The following PIP5K1B variants were observed in gnomAD, a reference collection of about 807,000 sequenced individuals.
The protein encoded by PIP5K1B is phosphatidylinositol-4-phosphate 5-kinase type 1 beta.
In PIP5K1B, 42 loss-of-function variants were observed where a neutral mutation model predicts 67.0. The ratio of observed to expected loss-of-function variants is 0.63; its 90% confidence interval spans 0.49 to 0.81. PIP5K1B has a LOEUF of 0.81. Ranked by LOEUF, PIP5K1B falls within the 30% of genes least tolerant of loss-of-function variation. The probability of loss-of-function intolerance (pLI) is 0.00; values close to 1 mark genes in which losing one functional copy is unlikely to be tolerated. For missense variants in PIP5K1B, 459 were observed against 646.3 expected (o/e 0.71, Z 3.14); for synonymous variants, 214 against 231.4 (o/e 0.92, Z 0.68).
chr9:68,853,127 T>C (rs1246311786), intron 4 of PIP5K1B, among the ~76,000 whole-genome samples: 1 of 152,176 alleles, frequency 6.6e-6, no homozygotes, highest in Non-Finnish European at 1.5e-5. Context: ...GGCAGTCACA[T>C]GGCAGGTGGA....
At chr9:68,897,066 T>G (rs1825126610) in intron 8 of PIP5K1B, among the ~76,000 whole-genome samples, 1 of 152,296 alleles carries the variant, frequency 6.6e-6, no homozygotes, top group Non-Finnish European at 1.5e-5. Context: ...ATATTGCCCT[T>G]GCTTTGCAGA....
chr9:68,848,394 T>G lies in PIP5K1B; in HGVS notation c.70-15443T>G, dbSNP rs116200134. 6.0e-3 allele frequency among the ~76,000 whole-genome samples: 917 copies of G among 152,300 alleles called. 11 individuals carry two copies. The highest frequency in any genetic ancestry group is 0.021 in the African/African-American group (881 of 41,558). On this transcript the variant is annotated intron_variant, in intron 4 of 15. Transcript: ENST00000265382. ...TAGGTAGGCAGGCACAATTGCAGTT[T>G]CTCCATATCTTTCTGCCTAGGTGTG...
intron 6 of PIP5K1B, among the ~76,000 whole-genome samples, chr9:68,879,890 T>C (rs948892305): frequency 3.3e-5 from 5 of 152,220 alleles, no homozygotes; most frequent in Non-Finnish European, 7.3e-5. Flanking sequence ...AATATGTTAA[T>C]TAGCTTAATT....
chr9:68,957,123 A>G (rs1219895673), intron 14 of PIP5K1B, among the ~76,000 whole-genome samples: 4 of 151,898 alleles, frequency 2.6e-5, no homozygotes, highest in Admixed American at 1.3e-4. Flanking sequence ...GCCATGCTTC[A>G]CTCTGGTTTT....
At chr9:68,988,872 G>C (rs1830226421) in intron 14 of PIP5K1B, among the ~76,000 whole-genome samples, 1 of 151,824 alleles carries the variant, frequency 6.6e-6, no homozygotes, top group Admixed American at 6.6e-5. Context: ...CGAGGTGGGT[G>C]AATCACGAGG....
At chr9:68,748,813 T>C (rs971804861) in intron 2 of PIP5K1B, among the ~76,000 whole-genome samples, 1 of 152,060 alleles carries the variant, frequency 6.6e-6, no homozygotes, top group Non-Finnish European at 1.5e-5. Flanking sequence ...GGTTTCACCA[T>C]GTTGGTCAGG....
intron 1 of PIP5K1B, among the ~76,000 whole-genome samples, chr9:68,720,547 C>G (rs1017120517): frequency 3.3e-5 from 5 of 152,062 alleles, no homozygotes; most frequent in African/African-American, 1.2e-4. Flanking sequence ...ACTCTTTTTA[C>G]TTTGGTCATC....
intron 2 of PIP5K1B, among the ~76,000 whole-genome samples, chr9:68,796,813 G>A (rs74337235): frequency 0.13 from 19,381 of 152,168 alleles, 1,358 homozygotes; most frequent in Non-Finnish European, 0.16. Flanking sequence ...CACCGTTTCC[G>A]TCTTTCATAG....
At chr9:68,981,591 C>T (rs958752532) in intron 14 of PIP5K1B, among the ~76,000 whole-genome samples, 2 of 152,132 alleles carry the variant, frequency 1.3e-5, no homozygotes, top group East Asian at 1.9e-4. Flanking sequence ...GAGAGAATGA[C>T]TTTTAAAAGA....
chr9:68,806,168 T>G (rs539468498), intron 2 of PIP5K1B, among the ~76,000 whole-genome samples: 17 of 152,362 alleles, frequency 1.1e-4, no homozygotes, highest in Non-Finnish European at 1.9e-4. Flanking sequence ...TGGTTCCTTC[T>G]GCAGCTGGGA....
chr9:68,730,632 TA>T (rs1472691586), intron 1 of PIP5K1B, among the ~76,000 whole-genome samples: 4 of 152,192 alleles, frequency 2.6e-5, no homozygotes, highest in Non-Finnish European at 5.9e-5. Flanking sequence ...CATATACAAG[TA>T]AATTGCAGAA....
chr9:68,961,693 G>C (rs1216166318), intron 14 of PIP5K1B, among the ~76,000 whole-genome samples: 2 of 152,162 alleles, frequency 1.3e-5, no homozygotes, highest in Non-Finnish European at 2.9e-5. Flanking sequence ...TGGAAGCCGA[G>C]TTGGGGAAGA....
chr9:68,947,428 C>T (rs762240674), intron 14 of PIP5K1B, among the ~76,000 whole-genome samples: 72 of 152,202 alleles, frequency 4.7e-4, no homozygotes, highest in Admixed American at 2.5e-3. Context: ...CTGCCACCTT[C>T]TCATCCAACT....
intron 15 of PIP5K1B, among the ~76,000 whole-genome samples, chr9:68,996,174 T>C (rs1255333981): frequency 1.3e-5 from 2 of 152,228 alleles, no homozygotes; most frequent in Non-Finnish European, 2.9e-5. Flanking sequence ...ATATGAAATA[T>C]CCTTTTAAGG....
chr9:68,786,202 A>G (rs1171734381), intron 2 of PIP5K1B: 2 of 152,182 alleles, frequency 1.3e-5, no homozygotes, highest in African/African-American at 4.8e-5. Context: ...CTTCCTGGGT[A>G]GGAAGTGATA....
intron 3 of PIP5K1B, among the ~76,000 whole-genome samples, chr9:68,821,081 C>G (rs549488877): frequency 1.3e-5 from 2 of 152,230 alleles, no homozygotes; most frequent in South Asian, 4.1e-4. Flanking sequence ...AGTTCGAGAC[C>G]AGCCTGGGCA....
At chr9:68,909,349 T>A (rs1825752887) in intron 8 of PIP5K1B, among the ~76,000 whole-genome samples, 1 of 151,062 alleles carries the variant, frequency 6.6e-6, no homozygotes, top group African/African-American at 2.4e-5. Flanking sequence ...ATCCAAGACA[T>A]CACATCATTT....
At chr9:68,805,274 C>T (rs59646983) in intron 2 of PIP5K1B, among the ~76,000 whole-genome samples, 4,363 of 152,194 alleles carry the variant, frequency 0.029, 224 homozygotes, top group African/African-American at 0.099. Flanking sequence ...GGTGGAGGAG[C>T]GGCCAGAGAT....
intron 15 of PIP5K1B, among the ~76,000 whole-genome samples, chr9:68,999,887 G>A (rs1317870804): frequency 6.6e-6 from 1 of 152,198 alleles, no homozygotes; most frequent in Non-Finnish European, 1.5e-5. Flanking sequence ...GAGCAAGTGT[G>A]TGTCTCAATG....
Sources: allele counts gnomAD v4.1 joint callset (sites outside exome capture counted in the v4.1 genomes callset), GRCh38; gene constraint gnomAD v4.1.1; transcripts MANE v1.5; gene names NCBI Gene and HGNC (gene_info 2026-07-23, HGNC 2026-07-21).